Variants in TAF6 observed in about 807,000 individuals in gnomAD.
The protein encoded by TAF6 is transcription initiation factor TFIID subunit 6.
In TAF6, 50 loss-of-function variants were observed where a neutral mutation model predicts 73.5. The observed-to-expected ratio is 0.68, with a 90% CI of 0.54 to 0.86. TAF6 has a LOEUF of 0.86. Among genes scored for constraint, TAF6 ranks in the 40% least tolerant of loss-of-function variants. The pLI is 0.00. For synonymous variants in TAF6, 424 were observed against 376.7 expected (o/e 1.13, Z -1.45); for missense variants, 768 against 899.5 (o/e 0.85, Z 1.87).
intron 6 of TAF6, 50 bp downstream of exon 6, chr7:100,112,748 C>A: frequency 6.5e-7 from 1 of 1,543,818 alleles, no homozygotes; most frequent in South Asian, 1.2e-5. Flanking sequence ...AACAAACGGC[C>A]ATGTGGCTTT....
the TAF6 span, among the ~76,000 whole-genome samples, chr7:100,125,990 T>C: frequency 6.6e-6 from 1 of 152,054 alleles, no homozygotes; most frequent in Non-Finnish European, 1.5e-5. Context: ...ATCGAGACCA[T>C]CCTGGCTAAT....
Position 100,108,540 on chromosome 7 carries a change from T to A in TAF6, c.1285A>T (p.Lys429Ter). Residue 429 changes from lysine (K) to a stop codon, truncating the protein, a stop_gained and splice_region_variant, in exon 13 of 15, where the codon AAA (lysine) becomes TAA (stop). Transcript: ENST00000453269. LOFTEE classifies it high-confidence loss of function. Reference protein sequence around the residue: ...GADHVQSLLLKHCAPVLAKLR... With the variant: ...GADHVQSLLL ...TTTGCCAGAACAGGAGCACAGTGTTTCTGCAGAACAGAAAAAAAGCCAGGT... is the reference window on the plus strand; with the variant it reads ...TTTGCCAGAACAGGAGCACAGTGTTACTGCAGAACAGAAAAAAAGCCAGGT... 6.3e-7 allele frequency: 1 copy of A among 1,593,164 alleles called. No homozygotes were observed.
rs781019467 is a variant in TAF6 at position 100,110,021 on chromosome 7, C to T, written c.1211G>A (p.Arg404His). 1.4e-5 allele frequency: 22 copies of T among 1,614,016 alleles called. No individual in the cohort carries two copies. Among genetic ancestry groups the T allele is most frequent in the East Asian group, 1.1e-4 (5 of 44,892 alleles). The change falls in exon 12 of 15, where the codon CGC (arginine) becomes CAC (histidine). Residue 404 changes from arginine (R) to histidine (H), a missense_variant. Coordinates refer to ENST00000453269, the MANE Select transcript of TAF6 (RefSeq NM_139315.3). ...CAGCACAGGGCCGTCCAGCACACTG[C>T]GGATCCGCTCCCCTTCCTGCTGCAG... The part of the protein sequence containing the change: ...PRLQQEGERI[R>H]SVLDGPVLSN...
At chr7:100,122,240 C>T (rs1798093406), upstream of TAF6, 5 of 1,613,532 alleles carry the variant, frequency 3.1e-6, no homozygotes, top group Non-Finnish European at 3.4e-6. Context: ...TCCCCCCGGA[C>T]GTTTCTCCTC....
chr7:100,117,718 T>C (rs1269884889), intron 1 of TAF6, among the ~76,000 whole-genome samples: 1 of 152,116 alleles, frequency 6.6e-6, no homozygotes, highest in African/African-American at 2.4e-5. Context: ...TAATAGGTCA[T>C]AGGCCCAAGC....
chr7:100,112,162 G>C lies in TAF6; in HGVS notation c.666C>G (p.Leu222=), dbSNP rs754251564. The change falls in exon 7 of 15, where the codon CTC becomes CTG. Residue 222 remains leucine, a synonymous_variant. Coordinates refer to ENST00000453269, the MANE Select transcript of TAF6 (RefSeq NM_139315.3). ...SIHELSVEQQ[L]YYKEITEACV... ...AGGCCTCGGTGATCTCCTTGTAGTAGAGCTGCTGCTCCACAGACAACTCGT... is the reference window on the plus strand; with the variant it reads ...AGGCCTCGGTGATCTCCTTGTAGTACAGCTGCTGCTCCACAGACAACTCGT... The C allele has an allele frequency of 1.2e-6, 2 of 1,614,108 alleles. No homozygotes were observed. The highest frequency in any genetic ancestry group is 1.1e-5 in the South Asian group (1 of 91,080).
chr7:100,117,668 G>C (rs1797778496), intron 1 of TAF6, among the ~76,000 whole-genome samples: 1 of 152,120 alleles, frequency 6.6e-6, no homozygotes, highest in Non-Finnish European at 1.5e-5. Flanking sequence ...GTAAGGCTTA[G>C]AGATATTGGT....
At position 100,113,622 on chromosome 7, in the gene TAF6, G is replaced by C. The variant is rs200750587; in HGVS notation, c.391C>G (p.Leu131Val). 9.6e-5 allele frequency: 155 copies of C among 1,614,002 alleles called. No homozygotes were observed. Among genetic ancestry groups the C allele is most frequent in the Non-Finnish European group, 1.2e-4 (145 of 1,179,956 alleles). ...PLPRVPLDVCLKAHWLSIEGC... is the reference protein window; with the variant it reads ...PLPRVPLDVCVKAHWLSIEGC... ...TGCTCTCCCCTCCCCCAACCTTTGA[G>C]GCAGACGTCCAGGGGCACCCGGGGC... The change falls in exon 4 of 15, where the codon CTC (leucine) becomes GTC (valine). Residue 131 changes from leucine (L) to valine (V), a missense_variant. Physicochemically the swap from Leu to Val is conservative, Grantham distance 32. Coordinates refer to ENST00000453269, the MANE Select transcript of TAF6 (RefSeq NM_139315.3).
At chr7:100,120,138 G>C, upstream of TAF6, 1 of 333,890 alleles carries the variant, frequency 3.0e-6, no homozygotes, top group East Asian at 6.2e-5. Flanking sequence ...CATCGGCCCG[G>C]GACTGCCAAC....
rs368038524 is a variant in TAF6, at chr7:100,112,815, G to C, written c.557C>G (p.Thr186Ser). The C allele has an allele frequency of 8.1e-6, 13 of 1,613,500 alleles. No homozygotes were observed. Among genetic ancestry groups the C allele is most frequent in the Non-Finnish European group, 1.0e-5 (12 of 1,179,646 alleles). Residue 186 changes from threonine (T) to serine (S), a missense_variant, in exon 6 of 15, where the codon ACC becomes AGC. By Grantham distance (58) the Thr-to-Ser change is moderately conservative (BLOSUM62 1). Transcript: ENST00000453269. ...GPLKGKGQGA[T>S]TADGKGKEKK... is the part of the protein sequence containing the mutation. Reference sequence around the variant, plus strand: ...GGACTGACCTTTGCCGTCGGCTGTGGTGGCCCCTTGACCTTTGCCCTTCAG... The same window carrying C: ...GGACTGACCTTTGCCGTCGGCTGTGCTGGCCCCTTGACCTTTGCCCTTCAG...
At chr7:100,124,785 G>A (rs749216388), upstream of TAF6, 1 of 1,613,500 alleles carries the variant, frequency 6.2e-7, no homozygotes, top group Non-Finnish European at 8.5e-7. Context: ...AAAACAGAAG[G>A]GGAGGAAGAG....
chr7:100,111,334 G>A lies in TAF6; in HGVS notation c.901-13C>T, dbSNP rs1425247409. On this transcript the variant is annotated splice_polypyrimidine_tract_variant and intron_variant, in intron 9 of 14. Transcript: ENST00000453269. ...TCAGCTCATGGACCTAAGGGAGAAA[G>A]GGCGGGACAGCTGATTCTGGTTTTG... The A allele has an allele frequency of 6.2e-7, 1 of 1,605,596 alleles. No individual in the cohort carries two copies. Among genetic ancestry groups the A allele is most frequent in the Non-Finnish European group, 8.5e-7 (1 of 1,173,278 alleles).
chr7:100,122,048 T>TCA, upstream of TAF6: 6 of 309,968 alleles, frequency 1.9e-5, no homozygotes, highest in South Asian at 1.4e-4. Context: ...AGAGTCCGTC[T>TCA]GAAAAAAAAA....
At position 100,111,714 on chromosome 7, in the gene TAF6, G is replaced by A. The variant is rs769101305; in HGVS notation, c.900+14C>T. ...CCCTAGTCCCTGGAAGGGAGGATGG[G>A]CAGGATCACTCACGTATTTTTCTAG... On this transcript the variant is annotated intron_variant, in intron 9 of 14. Transcript: ENST00000453269. 1 of 1,613,138 alleles carries A rather than the reference G, an allele frequency of 6.2e-7. No homozygotes were observed. The highest frequency in any genetic ancestry group is 1.7e-5 in the Admixed American group (1 of 60,004).
upstream of TAF6, chr7:100,122,957 G>A: frequency 6.4e-7 from 1 of 1,568,386 alleles, no homozygotes; most frequent in Non-Finnish European, 8.7e-7. Flanking sequence ...AACCTGAGAG[G>A]GGAGCTAGGT....
intron 4 of TAF6, 72 bp from the exon 5 acceptor site, chr7:100,113,477 C>T (rs1374865887): frequency 3.3e-6 from 5 of 1,526,694 alleles, no homozygotes; most frequent in African/African-American, 1.4e-5. Flanking sequence ...GCTATGGAAG[C>T]GTGTTTCCAC....
chr7:100,120,696 A>G (rs1485978640), upstream of TAF6, among the ~76,000 whole-genome samples: 1 of 152,146 alleles, frequency 6.6e-6, no homozygotes, highest in East Asian at 1.9e-4. Context: ...ACCTAATTGT[A>G]TCAGTCCTTG....
intron 14 of TAF6, 24 bp from the exon 15 acceptor site, chr7:100,107,647 C>T (rs370784606): frequency 1.5e-5 from 24 of 1,605,360 alleles, no homozygotes; most frequent in African/African-American, 1.3e-4. Context: ...AAAGGCAGGC[C>T]GCTTGCCCTG....
chr7:100,122,847 G>A, upstream of TAF6: 8 of 1,613,854 alleles, frequency 5.0e-6, no homozygotes, highest in Non-Finnish European at 5.9e-6. Flanking sequence ...GGTGGATCTG[G>A]GGATCCCTCT....
Sources: allele counts gnomAD v4.1 joint callset (sites outside exome capture counted in the v4.1 genomes callset), GRCh38; gene constraint gnomAD v4.1.1; transcripts MANE v1.5; gene names NCBI Gene and HGNC (gene_info 2026-07-23, HGNC 2026-07-21).